HYDIN: variants seen among roughly 807,000 people sequenced by gnomAD.
The protein encoded by HYDIN is HYDIN axonemal central pair apparatus protein.
In HYDIN, 132 loss-of-function variants were observed where a neutral mutation model predicts 403.9. The ratio of observed to expected loss-of-function variants is 0.33; its 90% CI spans 0.28 to 0.38. The LOEUF is 0.38. HYDIN is among the 10% of genes least tolerant of loss of function. HYDIN has a pLI of 1.00. For synonymous variants in HYDIN, 1,202 were observed against 1,891.7 expected, an observed-to-expected ratio of 0.64 and a Z score of 9.46; for missense variants, 2,827 against 5,009.5, an observed-to-expected ratio of 0.56 and a Z score of 13.15.
intron 18 of HYDIN, 75 bp from the exon 19 acceptor site, chr16:71,031,992 A>G: frequency 2.1e-6 from 2 of 956,324 alleles, no homozygotes; most frequent in Non-Finnish European, 3.3e-6. Context: ...AGCCCTCTAC[A>G]CTTCAAATGG....
chr16:71,045,131 T>C (rs1475641015), intron 18 of HYDIN, among the ~76,000 whole-genome samples: 1 of 152,200 alleles, frequency 6.6e-6, no homozygotes, highest in Non-Finnish European at 1.5e-5. Context: ...CCTGGACATG[T>C]AGGTCTTTAG....
chr16:71,223,457 A>G (rs1193422257), intron 1 of HYDIN, among the ~76,000 whole-genome samples: 1 of 152,206 alleles, frequency 6.6e-6, no homozygotes, highest in Non-Finnish European at 1.5e-5. Context: ...AATGTGACAA[A>G]AACAAAAACA....
intron 23 of HYDIN, among the ~76,000 whole-genome samples, chr16:70,996,198 A>G (rs1296008932): frequency 3.3e-5 from 5 of 152,144 alleles, no homozygotes; most frequent in African/African-American, 1.2e-4. Context: ...TTCTGGCCCT[A>G]TCTTGCTTCC....
chr16:70,943,752 G>A, intron 42 of HYDIN, 60 bp downstream of exon 42: 1 of 1,578,884 alleles, frequency 6.3e-7, no homozygotes, highest in Non-Finnish European at 8.6e-7. Context: ...TCTGTCCAGG[G>A]TGTGGGGATG....
chr16:71,025,765 G>A (rs11648149), intron 20 of HYDIN, among the ~76,000 whole-genome samples: 47,020 of 142,894 alleles, frequency 0.33, 7,477 homozygotes, highest in Non-Finnish European at 0.39. Flanking sequence ...TGAGGCAGTT[G>A]ATTTACATTC....
chr16:71,005,447 G>A (rs2079863975), intron 23 of HYDIN, among the ~76,000 whole-genome samples: 1 of 152,060 alleles, frequency 6.6e-6, no homozygotes, highest in Admixed American at 6.6e-5. Context: ...GAAGGTGGCT[G>A]TCTACAAGTC....
In HYDIN at chr16:71,230,626, T is replaced by C; in HGVS notation, c.-88A>G. ...TCCCCGCCAAGACCCCGCGTCCAACTCACAGACCCCGCCGCCGCTGAGGGG... is the reference window on the plus strand; with the variant it reads ...TCCCCGCCAAGACCCCGCGTCCAACCCACAGACCCCGCCGCCGCTGAGGGG... On this transcript the variant is annotated 5_prime_UTR_variant, in exon 1 of 86. Transcript: ENST00000393567. 1 of 1,535,972 alleles carries C rather than the reference T, an allele frequency of 6.5e-7. No homozygotes were observed. The highest frequency in any genetic ancestry group is 8.7e-7 in the Non-Finnish European group (1 of 1,146,858).
chr16:71,012,100 G>A (rs533004184), intron 23 of HYDIN, among the ~76,000 whole-genome samples: 280 of 152,394 alleles, frequency 1.8e-3, no homozygotes, highest in Non-Finnish European at 2.9e-3. Flanking sequence ...GCTCCCTGAC[G>A]GTTGGCTCTC....
At chr16:70,853,051 C>T (rs1454048175) in intron 73 of HYDIN, among the ~76,000 whole-genome samples, 2 of 150,748 alleles carry the variant, frequency 1.3e-5, no homozygotes, top group East Asian at 3.9e-4. Context: ...CATAGTGGTG[C>T]GTGCCTGTAG....
At chr16:70,905,501 C>A (rs1371367246) in intron 50 of HYDIN, among the ~76,000 whole-genome samples, 8 of 150,322 alleles carry the variant, frequency 5.3e-5, no homozygotes, top group Non-Finnish European at 8.9e-5. Context: ...GGTGTGGTTG[C>A]ACACACCTGT....
intron 7 of HYDIN, among the ~76,000 whole-genome samples, chr16:71,149,493 G>A (rs1458544998): frequency 1.3e-5 from 2 of 151,616 alleles, no homozygotes; most frequent in Non-Finnish European, 2.9e-5. Flanking sequence ...ACACACACAC[G>A]ATGTGTACAA....
At chr16:71,216,942 G>A (rs957168198) in intron 1 of HYDIN, among the ~76,000 whole-genome samples, 1 of 152,184 alleles carries the variant, frequency 6.6e-6, no homozygotes, top group Non-Finnish European at 1.5e-5. Flanking sequence ...GTATCAGTGA[G>A]GACTAGACAT....
At chr16:70,850,187 T>C (rs2038529190) in intron 74 of HYDIN, among the ~76,000 whole-genome samples, 1 of 151,580 alleles carries the variant, frequency 6.6e-6, no homozygotes. Context: ...TTGTTGGTAG[T>C]CAAATATCCT....
intron 3 of HYDIN, among the ~76,000 whole-genome samples, chr16:71,179,779 T>A (rs759358670): frequency 1.3e-5 from 2 of 152,164 alleles, no homozygotes; most frequent in African/African-American, 4.8e-5. Flanking sequence ...TCAAAGTGAA[T>A]ATAGCATCAT....
chr16:71,220,944 A>T (rs2089169189), intron 1 of HYDIN, among the ~76,000 whole-genome samples: 1 of 152,212 alleles, frequency 6.6e-6, no homozygotes, highest in Non-Finnish European at 1.5e-5. Context: ...AGCTAACAAG[A>T]CCATAAGGAA....
At chr16:70,954,538 C>G (rs1455770708) in intron 40 of HYDIN, among the ~76,000 whole-genome samples, 2 of 150,220 alleles carry the variant, frequency 1.3e-5, no homozygotes, top group East Asian at 2.0e-4. Context: ...CTCCAGCAAA[C>G]TTTTTCTTCC....
At position 70,904,065 on chromosome 16, in the gene HYDIN, CT is replaced by C; in HGVS notation, c.8517-2del. 6.3e-7 allele frequency: 1 copy of C among 1,590,426 alleles called. No individual in the cohort carries two copies. The highest frequency in any genetic ancestry group is 8.5e-7 in the Non-Finnish European group (1 of 1,173,266). Reference sequence around the variant, plus strand: ...GCCTGGGAATAAGGATGACTTGTACCTGGGGATGAACAAGAATGGGGTTAAC... The same window carrying C: ...GCCTGGGAATAAGGATGACTTGTACCGGGGATGAACAAGAATGGGGTTAAC... On this transcript the variant is annotated splice_acceptor_variant, in intron 50 of 85. Coordinates refer to ENST00000393567, the MANE Select transcript of HYDIN (RefSeq NM_001270974.2). LOFTEE classifies it high-confidence loss of function.
At chr16:71,185,052 A>G (rs2087080284) in intron 2 of HYDIN, 62 bp from the exon 3 acceptor site, 12 of 1,248,692 alleles carry the variant, frequency 9.6e-6, no homozygotes, top group Non-Finnish European at 1.3e-5. Context: ...AAGTGTTTTC[A>G]TAAGTACCAG....
intron 13 of HYDIN, among the ~76,000 whole-genome samples, chr16:71,074,140 T>G (rs1568113412): frequency 6.6e-6 from 1 of 152,136 alleles, no homozygotes; most frequent in Non-Finnish European, 1.5e-5. Flanking sequence ...CAACTTTAGT[T>G]AGCTTAATGT....
Sources: allele counts gnomAD v4.1 joint callset (sites outside exome capture counted in the v4.1 genomes callset), GRCh38; gene constraint gnomAD v4.1.1; transcripts MANE v1.5; gene names NCBI Gene and HGNC (gene_info 2026-07-23, HGNC 2026-07-21).